C8orf34: variants seen among roughly 807,000 people sequenced by gnomAD.
C8orf34 encodes the protein uncharacterized protein C8orf34.
C8orf34 carries 65 observed loss-of-function variants against 68.3 expected under a neutral mutation model. The ratio of observed to expected loss-of-function variants is 0.95; its 90% CI spans 0.78 to 1.17. The LOEUF is 1.17. Ranked by LOEUF, C8orf34 falls within the 50% of genes most tolerant of loss-of-function variation. The probability of loss-of-function intolerance (pLI) is 0.00; values close to 1 mark genes in which losing one functional copy is unlikely to be tolerated. For synonymous variants in C8orf34, 244 were observed against 241.2 expected (o/e 1.01, Z -0.11); for missense variants, 664 against 655.4 (o/e 1.01, Z -0.14).
intron 1 of C8orf34, among the ~76,000 whole-genome samples, chr8:68,362,858 C>G (rs1345735115): frequency 1.4e-5 from 2 of 142,038 alleles, no homozygotes; most frequent in African/African-American, 2.7e-5. Context: ...CAAAGGAACG[C>G]AGCTCCTCAC....
In C8orf34 at chr8:68,635,983, T is replaced by C. The variant is rs560782411; in HGVS notation, c.1106-4393T>C. On this transcript the variant is annotated intron_variant, in intron 7 of 13. Coordinates refer to ENST00000518698, the MANE Select transcript of C8orf34 (RefSeq NM_052958.4). ...TGGTTATAGAACGGGAGTTAGCCAC[T>C]ATCACTTGCATTTACCAGAGACCCA... Among the ~76,000 whole-genome samples, 33 of 152,282 alleles carry C rather than the reference T, an allele frequency of 2.2e-4. 1 individual carries two copies. In the South Asian group the frequency reaches 6.8e-3, roughly 32 times the overall value.
intron 1 of C8orf34, among the ~76,000 whole-genome samples, chr8:68,343,952 C>T (rs995949996): frequency 1.3e-5 from 2 of 152,096 alleles, no homozygotes; most frequent in Non-Finnish European, 2.9e-5. Flanking sequence ...GTCTCGAACT[C>T]CTGGGCTTAA....
At chr8:68,532,322 A>T (rs1438982937) in intron 6 of C8orf34, among the ~76,000 whole-genome samples, 1 of 152,172 alleles carries the variant, frequency 6.6e-6, no homozygotes, top group Non-Finnish European at 1.5e-5. Flanking sequence ...AGGGTCCAAA[A>T]TGGAAGTAAG....
At chr8:68,576,623 T>C (rs1404316292) in intron 7 of C8orf34, among the ~76,000 whole-genome samples, 1 of 152,036 alleles carries the variant, frequency 6.6e-6, no homozygotes, top group Non-Finnish European at 1.5e-5. Flanking sequence ...CAGTTCTTAT[T>C]CTGTGCCAAG....
intron 7 of C8orf34, among the ~76,000 whole-genome samples, chr8:68,626,410 A>C (rs1478182012): frequency 6.6e-6 from 1 of 152,242 alleles, no homozygotes; most frequent in Non-Finnish European, 1.5e-5. Flanking sequence ...AACTGACTTC[A>C]GACAGAGTCA....
chr8:68,553,697 T>C (rs1816160371), intron 7 of C8orf34, among the ~76,000 whole-genome samples: 1 of 152,132 alleles, frequency 6.6e-6, no homozygotes, highest in Admixed American at 6.6e-5. Context: ...AGCCCCCTTT[T>C]TTATTTCTGA....
At chr8:68,361,179 A>G (rs575216589) in intron 1 of C8orf34, among the ~76,000 whole-genome samples, 43 of 152,302 alleles carry the variant, frequency 2.8e-4, no homozygotes, top group African/African-American at 1.0e-3. Flanking sequence ...GAGTGAGGGA[A>G]GAAGGTTTCG....
chr8:68,337,752 C>A (rs1011303330), intron 1 of C8orf34, among the ~76,000 whole-genome samples: 1 of 152,108 alleles, frequency 6.6e-6, no homozygotes, highest in Non-Finnish European at 1.5e-5. Flanking sequence ...AGAATTTCAT[C>A]AATGTTTATA....
chr8:68,674,711 G>C (rs901036677), intron 8 of C8orf34, among the ~76,000 whole-genome samples: 1 of 152,116 alleles, frequency 6.6e-6, no homozygotes. Context: ...GGTAGAGAGA[G>C]GTAGAAAGTT....
chr8:68,549,760 C>A (rs1816003276), intron 7 of C8orf34, among the ~76,000 whole-genome samples: 1 of 151,584 alleles, frequency 6.6e-6, no homozygotes, highest in East Asian at 1.9e-4. Flanking sequence ...CAGTTCTCAT[C>A]TTGTGTATTT....
At chr8:68,713,062 C>T (rs921514661) in intron 9 of C8orf34, among the ~76,000 whole-genome samples, 2 of 152,104 alleles carry the variant, frequency 1.3e-5, no homozygotes, top group African/African-American at 2.4e-5. Flanking sequence ...ATAACCTGCT[C>T]CTCAATGATC....
At chr8:68,445,401 G>T (rs1016938127) in intron 2 of C8orf34, among the ~76,000 whole-genome samples, 1 of 152,164 alleles carries the variant, frequency 6.6e-6, no homozygotes, top group Non-Finnish European at 1.5e-5. Flanking sequence ...AGGAATAAAT[G>T]AGTTGAAGAA....
At chr8:68,646,280 A>T (rs1189722935) in intron 8 of C8orf34, among the ~76,000 whole-genome samples, 5 of 151,988 alleles carry the variant, frequency 3.3e-5, no homozygotes, top group Non-Finnish European at 7.4e-5. Flanking sequence ...ATTTTAATTT[A>T]AATTAATTTT....
At position 68,666,902 on chromosome 8, in the gene C8orf34, C is replaced by T. The variant is rs138908266; in HGVS notation, c.1241+26391C>T. 1.5e-3 allele frequency among the ~76,000 whole-genome samples: 232 copies of T among 152,198 alleles called. 2 individuals carry two copies. The East Asian group carries it at 0.029, about 19-fold the overall frequency. On this transcript the variant is annotated intron_variant, in intron 8 of 13. Coordinates refer to ENST00000518698, the MANE Select transcript of C8orf34 (RefSeq NM_052958.4). ...TTTATCCTCATTAATATTTTCTTAT[C>T]ATCTTGCATATAAAAATGCATCTTT...
At chr8:68,433,912 A>G (rs181930799) in intron 1 of C8orf34, among the ~76,000 whole-genome samples, 2 of 152,298 alleles carry the variant, frequency 1.3e-5, no homozygotes, top group African/African-American at 4.8e-5. Context: ...TGAGACGATC[A>G]TTGTTACTAG....
chr8:68,646,789 G>T (rs1332745108), intron 8 of C8orf34, among the ~76,000 whole-genome samples: 2 of 152,110 alleles, frequency 1.3e-5, no homozygotes, highest in African/African-American at 4.8e-5. Context: ...GCAAATGACA[G>T]AATTTTCTTC....
At chr8:68,668,799 A>C (rs1391523880) in intron 8 of C8orf34, among the ~76,000 whole-genome samples, 1 of 152,080 alleles carries the variant, frequency 6.6e-6, no homozygotes, top group Admixed American at 6.6e-5. Context: ...TTGAAGATGG[A>C]GGGGGCCTGT....
chr8:68,578,420 C>T (rs1376281494), intron 7 of C8orf34, among the ~76,000 whole-genome samples: 1 of 151,916 alleles, frequency 6.6e-6, no homozygotes. Context: ...TAAACTACTA[C>T]AAATGTGTTC....
intron 1 of C8orf34, among the ~76,000 whole-genome samples, chr8:68,396,329 A>T (rs1586049975): frequency 6.6e-6 from 1 of 152,174 alleles, no homozygotes; most frequent in South Asian, 2.1e-4. Context: ...ATTAATGATC[A>T]TTATAATTAA....
Sources: gnomAD v4.1 joint callset for allele counts (sites outside exome capture counted in the v4.1 genomes callset) on GRCh38, gnomAD v4.1.1 for gene constraint, MANE v1.5 for transcripts, NCBI Gene and HGNC (gene_info 2026-07-23, HGNC 2026-07-21) for gene names.